PARP12: variants seen among roughly 807,000 people sequenced by gnomAD.
PARP12 encodes protein mono-ADP-ribosyltransferase PARP12.
In PARP12, 59 loss-of-function variants were observed where a neutral mutation model predicts 72.4. The observed-to-expected ratio is 0.81, with a 90% CI of 0.66 to 1.01. PARP12 has a LOEUF of 1.01. PARP12 is among the 50% of genes least tolerant of loss of function. The pLI is 0.00. For synonymous variants in PARP12, 403 were observed against 371.4 expected (o/e 1.09, Z -0.98); for missense variants, 851 against 914.0 (o/e 0.93, Z 0.89).
At chr7:140,046,798 C>CTGTGTGTGTG (rs1441170286) in intron 5 of PARP12, 86 bp downstream of exon 5, 2 of 778,000 alleles carry the variant, frequency 2.6e-6, no homozygotes, top group African/African-American at 8.4e-5. Context: ...AGGCTGCTCA[C>CTGTGTGTGTG]AGTGTGTGTG....
chr7:140,036,437 G>A (rs1480908800), intron 7 of PARP12, among the ~76,000 whole-genome samples: 4 of 152,050 alleles, frequency 2.6e-5, no homozygotes, highest in South Asian at 4.1e-4. Context: ...CGTGGCTGGC[G>A]CTCTCCAGCA....
At position 140,024,125 on chromosome 7, in the gene PARP12, C is replaced by A; in HGVS notation, c.*435G>T. 1 of 287,032 alleles carries A rather than the reference C, an allele frequency of 3.5e-6. No homozygotes were observed. The highest frequency in any genetic ancestry group is 3.3e-5 in the South Asian group (1 of 30,186). The allele number at this position is 287,032 out of a possible 1,614,324, so 17.8% of individuals were successfully genotyped here. ...GCAACAGGCAGAAGTGACTGTGCCG[C>A]CCGTGGGCTGTCATCCACCGGTGGC... On this transcript the variant is annotated 3_prime_UTR_variant, in exon 12 of 12. Coordinates refer to ENST00000263549, the MANE Select transcript of PARP12 (RefSeq NM_022750.4).
chr7:140,050,567 G>A (rs865966197), intron 4 of PARP12, among the ~76,000 whole-genome samples: 8 of 152,124 alleles, frequency 5.3e-5, no homozygotes, highest in African/African-American at 1.2e-4. Context: ...AAGCACCAAC[G>A]TGACAGACAA....
In PARP12 at chr7:140,027,332, G is replaced by A. The variant is rs755481118; in HGVS notation, c.1572C>T (p.Tyr524=). ...GTACTCGCTCAATCTTCTGAACAAAGTAGAAAGGCAGCGTGCGGTTAAAGA... is the reference window on the plus strand; with the variant it reads ...GTACTCGCTCAATCTTCTGAACAAAATAGAAAGGCAGCGTGCGGTTAAAGA... ...WNLFNRTLPF[Y]FVQKIERVQN... is the part of the protein sequence containing the mutation. Residue 524 remains tyrosine, a synonymous_variant, in exon 10 of 12, where the codon TAC becomes TAT. Transcript: ENST00000263549. The A allele has an allele frequency of 8.7e-6, 14 of 1,614,082 alleles. No individual in the cohort carries two copies. The highest frequency in any genetic ancestry group is 1.2e-5 in the Non-Finnish European group (14 of 1,180,000).
At chr7:140,052,732 T>TTGTGTGTGTGTGTGTGTG (rs9340762) in intron 4 of PARP12, among the ~76,000 whole-genome samples, 8 of 145,706 alleles carry the variant, frequency 5.5e-5, no homozygotes, top group African/African-American at 1.0e-4. Context: ...AAGACCCCTT[T>TTGTGTGTGTGTGTGTGTG]TGTGTGTGTG....
chr7:140,062,372 A>T, intron 1 of PARP12, 150 bp downstream of exon 1: 2 of 819,296 alleles, frequency 2.4e-6, no homozygotes, highest in Non-Finnish European at 1.8e-6. Context: ...GGTGCTCATT[A>T]AACGCTCGCT....
chr7:140,048,718 T>G (rs531069347), intron 4 of PARP12, among the ~76,000 whole-genome samples: 1 of 152,348 alleles, frequency 6.6e-6, no homozygotes, highest in South Asian at 2.1e-4. Flanking sequence ...TTTGGCATGT[T>G]TTGAACTTTG....
chr7:140,027,443 A>C (rs754214807), intron 9 of PARP12, 37 bp from the exon 10 acceptor site: 2 of 1,609,268 alleles, frequency 1.2e-6, no homozygotes. Context: ...ATTACCATCA[A>C]CGTGCAGAAT....
chr7:140,043,303 T>C (rs1816572547), intron 5 of PARP12, among the ~76,000 whole-genome samples: 1 of 151,930 alleles, frequency 6.6e-6, no homozygotes, highest in South Asian at 2.1e-4. Context: ...AAAAACAAAA[T>C]CAGACCACCC....
At chr7:140,031,957 C>G (rs1056208900) in intron 8 of PARP12, among the ~76,000 whole-genome samples, 1 of 151,964 alleles carries the variant, frequency 6.6e-6, no homozygotes, top group Non-Finnish European at 1.5e-5. Context: ...AAAAGGCAAA[C>G]AACAAACTAA....
intron 7 of PARP12, among the ~76,000 whole-genome samples, chr7:140,035,908 G>A (rs890640633): frequency 0.023 from 1,543 of 66,964 alleles, 283 homozygotes; most frequent in African/African-American, 0.1. Flanking sequence ...AGGACGAGGA[G>A]GAGGACAAGG....
Position 140,027,140 on chromosome 7 carries a change from C to A in PARP12, c.1628+136G>T, listed in dbSNP as rs548277880. On this transcript the variant is annotated intron_variant, in intron 10 of 11. Transcript: ENST00000263549. ...CCCTGGGGGAGCGGACGAAGGAGAGCAGACACACAGCTCCCAGCACATGGC... is the reference window on the plus strand; with the variant it reads ...CCCTGGGGGAGCGGACGAAGGAGAGAAGACACACAGCTCCCAGCACATGGC... 1.2e-5 allele frequency: 15 copies of A among 1,230,990 alleles called. No homozygotes were observed. In the African/African-American group the frequency reaches 2.1e-4, roughly 17 times the overall value. 76.3% of individuals were successfully genotyped at this position (1,230,990 alleles called of 1,614,324 possible).
rs1438846696 is a variant in PARP12, at chr7:140,035,903, GAGGAGGAGGACA to G, written c.1325-1584_1325-1573del. ...GGAGGAAGAGGAAGAGGAGGAGGAC[GAGGAGGAGGACA>G]AGGAGGAGGACAAGGAGGAGGAGGA... On this transcript the variant is annotated intron_variant, in intron 7 of 11. Coordinates refer to ENST00000263549, the MANE Select transcript of PARP12 (RefSeq NM_022750.4). Among the ~76,000 whole-genome samples, 153 of 138,560 alleles carry G rather than the reference GAGGAGGAGGACA, an allele frequency of 1.1e-3. 11 individuals are homozygous for G. Among genetic ancestry groups the G allele is most frequent in the Middle Eastern group, 3.9e-3 (1 of 254 alleles). 90.9% of individuals were successfully genotyped at this position (138,560 alleles called of 152,430 possible).
chr7:140,045,987 C>A (rs963201987), intron 5 of PARP12, among the ~76,000 whole-genome samples: 1 of 143,230 alleles, frequency 7.0e-6, no homozygotes, highest in Non-Finnish European at 1.5e-5. Context: ...CGGTGGTGAA[C>A]GATGGGAGTA....
At chr7:140,045,381 T>A (rs1297981009) in intron 5 of PARP12, among the ~76,000 whole-genome samples, 3 of 152,222 alleles carry the variant, frequency 2.0e-5, no homozygotes, top group African/African-American at 7.2e-5. Flanking sequence ...GCATATTAAC[T>A]CATTTAATTC....
intron 11 of PARP12, among the ~76,000 whole-genome samples, chr7:140,025,954 C>A (rs1306874490): frequency 6.6e-6 from 1 of 152,200 alleles, no homozygotes; most frequent in African/African-American, 2.4e-5. Flanking sequence ...GGCCTCTGCT[C>A]CACAGGGAAG....
At chr7:140,062,476 G>A (rs1237323600) in intron 1 of PARP12, 46 bp downstream of exon 1, 2 of 1,494,562 alleles carry the variant, frequency 1.3e-6, no homozygotes, top group Non-Finnish European at 1.8e-6. Context: ...GTGCGTGAGG[G>A]CGCGCAGGAC....
intron 5 of PARP12, among the ~76,000 whole-genome samples, chr7:140,043,492 C>T (rs1175817755): frequency 1.3e-5 from 2 of 152,026 alleles, no homozygotes; most frequent in East Asian, 1.9e-4. Context: ...CCACTCCCTC[C>T]AAAACTTTTT....
intron 9 of PARP12, 61 bp from the exon 10 acceptor site, chr7:140,027,467 T>G: frequency 6.3e-7 from 1 of 1,583,328 alleles, no homozygotes; most frequent in East Asian, 2.3e-5. Context: ...AATCAGTCCC[T>G]TCCCAAAGCT....
Sources: allele counts gnomAD v4.1 joint callset (sites outside exome capture counted in the v4.1 genomes callset), GRCh38; gene constraint gnomAD v4.1.1; transcripts MANE v1.5; gene names NCBI Gene and HGNC (gene_info 2026-07-23, HGNC 2026-07-21).